Variants in GNAO1 observed in about 807,000 individuals in gnomAD.
GNAO1 encodes G protein subunit alpha o1.
For synonymous variants in GNAO1, 164 were observed against 180.7 expected, an observed-to-expected ratio of 0.91 and a Z score of 0.74; for missense variants, 166 against 478.7, an observed-to-expected ratio of 0.35 and a Z score of 6.10.
chr16:56,244,260 G>A (rs2036721387), intron 2 of GNAO1, among the ~76,000 whole-genome samples: 2 of 152,054 alleles, frequency 1.3e-5, no homozygotes. Flanking sequence ...GAATTCCTGG[G>A]CCTCAGTTTC....
At chr16:56,291,136 G>A (rs573040450) in intron 3 of GNAO1, among the ~76,000 whole-genome samples, 36 of 152,170 alleles carry the variant, frequency 2.4e-4, no homozygotes, top group African/African-American at 8.4e-4. Flanking sequence ...CATAACTAGG[G>A]GCAAAACTGA....
intron 6 of GNAO1, chr16:56,346,348 C>T: frequency 1.0e-6 from 1 of 985,414 alleles, no homozygotes; most frequent in African/African-American, 1.7e-5. Flanking sequence ...CCACAGTGGT[C>T]CTGCGTGTGC....
At chr16:56,194,619 G>A (rs1198970730) in intron 2 of GNAO1, 10 of 193,992 alleles carry the variant, frequency 5.2e-5, no homozygotes, top group African/African-American at 2.1e-4. Context: ...CTCCGGCGGA[G>A]AGAGCCGAGC....
At chr16:56,318,141 C>A (rs2037531609) in intron 3 of GNAO1, among the ~76,000 whole-genome samples, 1 of 152,212 alleles carries the variant, frequency 6.6e-6, no homozygotes. Flanking sequence ...CAGACCCCCG[C>A]CCCGGAAGGG....
intron 2 of GNAO1, chr16:56,194,352 A>G (rs2036211462): frequency 2.3e-6 from 1 of 441,104 alleles, no homozygotes; most frequent in African/African-American, 2.0e-5. Context: ...TGTAAATGCA[A>G]GCCGCGCCAC....
intron 2 of GNAO1, among the ~76,000 whole-genome samples, chr16:56,211,882 T>C (rs2036392248): frequency 6.6e-6 from 1 of 152,222 alleles, no homozygotes; most frequent in Non-Finnish European, 1.5e-5. Context: ...CCAGCAGTGC[T>C]CTATTCAGCG....
chr16:56,229,306 G>A (rs1392096029), intron 2 of GNAO1, among the ~76,000 whole-genome samples: 1 of 152,206 alleles, frequency 6.6e-6, no homozygotes, highest in Admixed American at 6.5e-5. Context: ...CCAGGTTCAA[G>A]TAATTCTCGT....
chr16:56,280,825 C>A (rs2037107286), intron 3 of GNAO1, among the ~76,000 whole-genome samples: 1 of 152,098 alleles, frequency 6.6e-6, no homozygotes, highest in African/African-American at 2.4e-5. Context: ...GGGTGAGTCC[C>A]CTTCCAAACC....
chr16:56,275,443 G>A (rs1181062534), intron 2 of GNAO1, among the ~76,000 whole-genome samples: 9 of 152,198 alleles, frequency 5.9e-5, no homozygotes, highest in African/African-American at 2.2e-4. Flanking sequence ...CAAAGATAAA[G>A]ATGGTTATTT....
At chr16:56,254,581 A>G (rs2036829236) in intron 2 of GNAO1, among the ~76,000 whole-genome samples, 1 of 152,064 alleles carries the variant, frequency 6.6e-6, no homozygotes, top group Admixed American at 6.6e-5. Context: ...CAGTTTTCTT[A>G]TAAACAGCAT....
chr16:56,335,306 C>T (rs887476461), intron 5 of GNAO1, among the ~76,000 whole-genome samples: 1 of 152,204 alleles, frequency 6.6e-6, no homozygotes, highest in African/African-American at 2.4e-5. Flanking sequence ...TCTCCTAGTA[C>T]GCTTGGGAAG....
At chr16:56,283,637 C>A (rs2037135353) in intron 3 of GNAO1, among the ~76,000 whole-genome samples, 3 of 152,156 alleles carry the variant, frequency 2.0e-5, no homozygotes. Context: ...GCTATCTGGC[C>A]TGTGTCTCCC....
intron 3 of GNAO1, among the ~76,000 whole-genome samples, chr16:56,300,008 C>CGTATGTGTGTGTGT (rs1555505497): frequency 5.4e-5 from 7 of 129,698 alleles, no homozygotes; most frequent in Non-Finnish European, 9.7e-5. Context: ...GATTGGGGTT[C>CGTATGTGTGTGTGT]GTGTGTGTGT....
At chr16:56,261,194 A>G (rs1318689390) in intron 2 of GNAO1, among the ~76,000 whole-genome samples, 7 of 152,238 alleles carry the variant, frequency 4.6e-5, no homozygotes, top group Admixed American at 2.6e-4. Context: ...CTCAGAGGAC[A>G]TGAGAAATCA....
chr16:56,196,529 T>G (rs1168842393), intron 2 of GNAO1, among the ~76,000 whole-genome samples: 1 of 152,246 alleles, frequency 6.6e-6, no homozygotes, highest in Admixed American at 6.5e-5. Flanking sequence ...TTCCCAGTTC[T>G]GAACAAATAG....
chr16:56,345,505 G>A (rs752647867), intron 6 of GNAO1: 7 of 985,310 alleles, frequency 7.1e-6, no homozygotes, highest in East Asian at 1.1e-4. Flanking sequence ...AGAGCTCTGA[G>A]TGGTGCCCAG....
intron 2 of GNAO1, among the ~76,000 whole-genome samples, chr16:56,216,942 G>C (rs2036441741): frequency 6.6e-6 from 1 of 152,236 alleles, no homozygotes; most frequent in Non-Finnish European, 1.5e-5. Flanking sequence ...TTGTAGTAAG[G>C]ATTAGATGAG....
chr16:56,355,985 G>C (rs2037964609), intron 8 of GNAO1, 118 bp from the exon 9 acceptor site: 1 of 152,274 alleles, frequency 6.6e-6, no homozygotes, highest in Admixed American at 6.5e-5. Context: ...TCGTGCTGCT[G>C]CCCCATCTCG....
chr16:56,192,708 G>A (rs2036189141), intron 2 of GNAO1, 92 bp downstream of exon 2: 2 of 770,094 alleles, frequency 2.6e-6, no homozygotes, highest in Non-Finnish European at 4.6e-6. Flanking sequence ...TGCTCTCCAG[G>A]CCTGTTTTTT....
Sources: gnomAD v4.1 joint callset for allele counts (sites outside exome capture counted in the v4.1 genomes callset) on GRCh38, gnomAD v4.1.1 for gene constraint, MANE v1.5 for transcripts, NCBI Gene and HGNC (gene_info 2026-07-23, HGNC 2026-07-21) for gene names.